DLG2: variants seen among roughly 807,000 people sequenced by gnomAD.
The protein encoded by DLG2 is discs large MAGUK scaffold protein 2, also known as disks large homolog 2.
A neutral mutation model predicts 132.5 loss-of-function variants in DLG2; 45 were observed. The ratio of observed to expected loss-of-function variants is 0.34; its 90% CI spans 0.27 to 0.44. The LOEUF (loss-of-function observed/expected upper bound fraction) is 0.44, where lower values mean the gene tolerates loss of function less well. DLG2 is among the 20% of genes least tolerant of loss of function. DLG2 has a pLI of 1.00. For missense variants in DLG2, 1,045 were observed against 1,196.9 expected (o/e 0.87, Z 1.87); for synonymous variants, 424 against 419.6 (o/e 1.01, Z -0.13).
intron 6 of DLG2, among the ~76,000 whole-genome samples, chr11:84,957,791 C>G (rs1450224137): frequency 6.6e-6 from 1 of 152,170 alleles, no homozygotes; most frequent in Non-Finnish European, 1.5e-5. Context: ...TTAAGACTCA[C>G]GTGTATCATC....
At chr11:85,250,713 A>G (rs1379468023) in intron 4 of DLG2, among the ~76,000 whole-genome samples, 1 of 152,184 alleles carries the variant, frequency 6.6e-6, no homozygotes, top group African/African-American at 2.4e-5. Flanking sequence ...CTATAATTCA[A>G]TGTGAGAAGA....
intron 3 of DLG2, among the ~76,000 whole-genome samples, chr11:85,427,192 A>G (rs1281612533): frequency 2.6e-5 from 4 of 151,890 alleles, no homozygotes; most frequent in Non-Finnish European, 5.9e-5. Flanking sequence ...ACCAAGTTGG[A>G]AAGCACTCTA....
At chr11:83,916,256 T>C (rs1329908003) in intron 15 of DLG2, among the ~76,000 whole-genome samples, 1 of 152,144 alleles carries the variant, frequency 6.6e-6, no homozygotes, top group Admixed American at 6.5e-5. Flanking sequence ...TTCTCTTGGG[T>C]GCATACTTAT....
chr11:84,431,761 C>G (rs1017359413), intron 7 of DLG2, among the ~76,000 whole-genome samples: 32 of 152,096 alleles, frequency 2.1e-4, no homozygotes, highest in African/African-American at 7.5e-4. Flanking sequence ...ATTTTATCCT[C>G]AAAGTAAATC....
In DLG2 at chr11:84,252,911, A is replaced by G. The variant is rs146000510; in HGVS notation, c.520-1620T>C. On this transcript the variant is annotated intron_variant, in intron 7 of 27. Transcript: ENST00000376104. ...TTCATTAGCTGTGCCCTCTGGAGTT[A>G]ACAGAGTTAACAGCTTTTTAATGTC... is the stretch of plus-strand genomic sequence containing the variant. Among the ~76,000 whole-genome samples the G allele has an allele frequency of 9.2e-5, 14 of 152,334 alleles. No homozygotes were observed. The East Asian group carries it at 2.7e-3, about 29-fold the overall frequency.
chr11:85,314,504 T>C (rs1320233039), intron 3 of DLG2, among the ~76,000 whole-genome samples: 3 of 151,920 alleles, frequency 2.0e-5, no homozygotes, highest in Non-Finnish European at 2.9e-5. Context: ...ACATATAATA[T>C]ATATACATCC....
chr11:85,623,449 C>T lies in DLG2; in HGVS notation c.-93+3138G>A, dbSNP rs561295566. On this transcript the variant is annotated intron_variant, in intron 2 of 27. Coordinates refer to ENST00000376104, the MANE Select transcript of DLG2 (RefSeq NM_001142699.3). Reference sequence around the variant, plus strand: ...CCTCCCAAGTAGCTGGGATTACAGGCACGCACCACTATGCCCAGCTAATTT... The same window carrying T: ...CCTCCCAAGTAGCTGGGATTACAGGTACGCACCACTATGCCCAGCTAATTT... 5.2e-4 allele frequency among the ~76,000 whole-genome samples: 79 copies of T among 152,216 alleles called. 3 individuals are homozygous for T. Among genetic ancestry groups the T allele is most frequent in the African/African-American group, 1.7e-3 (71 of 41,532 alleles).
chr11:83,633,451 C>T lies in DLG2; in HGVS notation c.1826-126G>A, dbSNP rs949292122. On this transcript the variant is annotated intron_variant, in intron 18 of 27. Coordinates refer to ENST00000376104, the MANE Select transcript of DLG2 (RefSeq NM_001142699.3). ...TGCCAAACAATGGGGAGATGTGCAACTCAAGGGTATGCCTGTTTCCTATTA... is the reference window on the plus strand; with the variant it reads ...TGCCAAACAATGGGGAGATGTGCAATTCAAGGGTATGCCTGTTTCCTATTA... The T allele has an allele frequency of 1.3e-5, 9 of 702,386 alleles. No individual in the cohort carries two copies. In the African/African-American group the frequency reaches 1.6e-4, roughly 12 times the overall value. 43.5% of individuals were successfully genotyped at this position (702,386 alleles called of 1,614,324 possible).
chr11:84,138,845 A>T (rs1358261219), intron 9 of DLG2, among the ~76,000 whole-genome samples: 6 of 150,202 alleles, frequency 4.0e-5, no homozygotes, highest in African/African-American at 1.5e-4. Flanking sequence ...GTTACTGGGG[A>T]GGCTGAGGCA....
intron 15 of DLG2, 61 bp from the exon 16 acceptor site, chr11:83,874,549 T>TATTTTTTC: frequency 7.5e-7 from 1 of 1,328,144 alleles, no homozygotes; most frequent in Non-Finnish European, 1.0e-6. Flanking sequence ...TTTATTTTTT[T>TATTTTTTC]ATTATACTTT....
chr11:84,251,637 C>CTTTTTTTTTTTTTT (rs369651884), intron 7 of DLG2, among the ~76,000 whole-genome samples: 16 of 130,022 alleles, frequency 1.2e-4, no homozygotes, highest in Non-Finnish European at 1.9e-4. Flanking sequence ...TGTATCTTTT[C>CTTTTTTTTTTTTTT]TTTCTTTTTT....
intron 19 of DLG2, among the ~76,000 whole-genome samples, chr11:83,570,282 G>A (rs982752660): frequency 4.6e-5 from 7 of 151,960 alleles, no homozygotes; most frequent in Non-Finnish European, 5.9e-5. Context: ...GTGTATTAAC[G>A]TACAGAATAT....
intron 3 of DLG2, among the ~76,000 whole-genome samples, chr11:85,525,862 A>G (rs142581930): frequency 2.6e-5 from 4 of 152,300 alleles, no homozygotes; most frequent in Non-Finnish European, 4.4e-5. Flanking sequence ...CAGAGACTAG[A>G]CAGGAGAGAT....
intron 4 of DLG2, among the ~76,000 whole-genome samples, chr11:85,219,735 A>C (rs1178782251): frequency 6.7e-6 from 1 of 148,386 alleles, no homozygotes; most frequent in African/African-American, 2.5e-5. Flanking sequence ...GACCTCACTT[A>C]ACTAGATTAT....
At chr11:84,538,978 T>G (rs1010055310) in intron 6 of DLG2, among the ~76,000 whole-genome samples, 3 of 152,222 alleles carry the variant, frequency 2.0e-5, no homozygotes, top group Non-Finnish European at 4.4e-5. Context: ...TTCAAATCTT[T>G]ATTTCCTTTG....
In DLG2 at chr11:85,307,899, A is replaced by G. The variant is rs147792319; in HGVS notation, c.41-22534T>C. Among the ~76,000 whole-genome samples, 580 of 152,294 alleles carry G rather than the reference A, an allele frequency of 3.8e-3. 2 individuals carry two copies. The highest frequency in any genetic ancestry group is 0.013 in the African/African-American group (536 of 41,552). The stretch of plus-strand genomic sequence containing the variant: ...GCTGGGCGCGGTGGCTCATGCCTGT[A>G]ATCCCAGCATTTTGGGAGGCCAAGA... On this transcript the variant is annotated intron_variant, in intron 3 of 27. Transcript: ENST00000376104.
At chr11:85,156,074 T>C (rs2077569470) in intron 4 of DLG2, among the ~76,000 whole-genome samples, 2 of 152,108 alleles carry the variant, frequency 1.3e-5, no homozygotes, top group Non-Finnish European at 2.9e-5. Context: ...AGGCAATAGC[T>C]ATAGAGACAT....
chr11:84,640,829 A>T (rs932633609), intron 6 of DLG2, among the ~76,000 whole-genome samples: 1 of 151,942 alleles, frequency 6.6e-6, no homozygotes, highest in African/African-American at 2.4e-5. Context: ...AATTCCAGCT[A>T]CTCAGGAGGC....
intron 18 of DLG2, among the ~76,000 whole-genome samples, chr11:83,703,542 G>T (rs537577045): frequency 1.3e-5 from 2 of 152,186 alleles, no homozygotes; most frequent in East Asian, 3.9e-4. Flanking sequence ...CCAGCTAATC[G>T]GGAGGCTGAG....
Sources: gnomAD v4.1 joint callset for allele counts (sites outside exome capture counted in the v4.1 genomes callset) on GRCh38, gnomAD v4.1.1 for gene constraint, MANE v1.5 for transcripts, NCBI Gene and HGNC (gene_info 2026-07-23, HGNC 2026-07-21) for gene names.